The following PAH variants were observed in gnomAD, a reference collection of about 807,000 sequenced individuals.
PAH encodes phenylalanine-4-hydroxylase.
A neutral mutation model predicts 62.0 loss-of-function variants in PAH; 64 were observed. That is an observed-to-expected ratio of 1.03 (90% CI 0.84 to 1.27). The LOEUF (loss-of-function observed/expected upper bound fraction) is 1.27, where lower values mean the gene tolerates loss of function less well. Ranked by LOEUF, PAH falls within the 50% of genes most tolerant of loss-of-function variation. The pLI, the probability that PAH is intolerant of heterozygous loss-of-function variation, is 0.00. For synonymous variants in PAH, 195 were observed against 196.2 expected, an observed-to-expected ratio of 0.99 and a Z score of 0.05; for missense variants, 579 against 542.8, an observed-to-expected ratio of 1.07 and a Z score of -0.66.
chr12:102,849,329 G>A (rs1875041986), intron 8 of PAH, among the ~76,000 whole-genome samples: 1 of 152,186 alleles, frequency 6.6e-6, no homozygotes, highest in Non-Finnish European at 1.5e-5. Context: ...CCAGAACTCA[G>A]TTTTGGATAG....
intron 2 of PAH, among the ~76,000 whole-genome samples, chr12:102,896,509 G>T (rs541190641): frequency 9.2e-5 from 14 of 152,230 alleles, no homozygotes; most frequent in Non-Finnish European, 1.9e-4. Flanking sequence ...TAAGGGATAA[G>T]ATAGACCAAG....
intron 1 of PAH, among the ~76,000 whole-genome samples, chr12:102,936,968 C>T (rs1046311824): frequency 6.6e-6 from 1 of 152,108 alleles, no homozygotes; most frequent in African/African-American, 2.4e-5. Context: ...ATTATGGGGG[C>T]AGTTACCCTC....
intron 3 of PAH, among the ~76,000 whole-genome samples, chr12:102,890,100 G>T (rs1263765628): frequency 6.6e-6 from 1 of 152,104 alleles, no homozygotes; most frequent in Non-Finnish European, 1.5e-5. Context: ...AAGCTGTTTT[G>T]GGTGGGGAAC....
chr12:102,922,334 C>T (rs1216934359), intron 1 of PAH, among the ~76,000 whole-genome samples: 1 of 151,856 alleles, frequency 6.6e-6, no homozygotes, highest in Non-Finnish European at 1.5e-5. Flanking sequence ...GCTGGGTCTA[C>T]AGGTGCGCAC....
rs62506950 is a variant in PAH, at chr12:102,894,820, A to AG, written c.266dup (p.Ala90CysfsTer12). The AG allele has an allele frequency of 1.2e-6, 2 of 1,614,004 alleles. No individual in the cohort carries two copies. Among genetic ancestry groups the AG allele is most frequent in the African/African-American group, 1.3e-5 (1 of 75,024 alleles). ...AGATCTTGATGATGTTTGTCAGAGCAGGCAGGCTACGTTTATCCAAATGGG... is the reference window on the plus strand; with the variant it reads ...AGATCTTGATGATGTTTGTCAGAGCAGGGCAGGCTACGTTTATCCAAATGGG... On this transcript the variant is annotated frameshift_variant, in exon 3 of 13. Coordinates refer to ENST00000553106, the MANE Select transcript of PAH (RefSeq NM_000277.3). LOFTEE classifies it high-confidence loss of function.
intron 5 of PAH, 71 bp from the exon 6 acceptor site, chr12:102,855,403 G>A: frequency 4.0e-6 from 5 of 1,249,070 alleles, no homozygotes; most frequent in Non-Finnish European, 5.8e-6. Flanking sequence ...TAGGTTAGCA[G>A]AGGGAGTCGG....
upstream of PAH, among the ~76,000 whole-genome samples, chr12:102,954,167 A>G (rs1298575363): frequency 6.6e-6 from 1 of 152,258 alleles, no homozygotes; most frequent in Non-Finnish European, 1.5e-5. Context: ...TGGAGGCCAC[A>G]GAACATCTCT....
At chr12:102,900,050 T>C (rs1458268591) in intron 2 of PAH, among the ~76,000 whole-genome samples, 2 of 80,268 alleles carry the variant, frequency 2.5e-5, no homozygotes, top group Non-Finnish European at 5.1e-5. Flanking sequence ...CATTTATTGC[T>C]TTTTTTTTTT....
intron 9 of PAH, among the ~76,000 whole-genome samples, chr12:102,846,311 T>G (rs2136638875): frequency 6.6e-6 from 1 of 152,334 alleles, no homozygotes; most frequent in Admixed American, 6.5e-5. Flanking sequence ...AAATGTTTAT[T>G]TTTCAACTTC....
At chr12:102,862,883 T>G (rs563165743) in intron 5 of PAH, among the ~76,000 whole-genome samples, 6 of 152,250 alleles carry the variant, frequency 3.9e-5, no homozygotes, top group African/African-American at 1.2e-4. Flanking sequence ...GATAGCATTT[T>G]GCTTAAGTAT....
At chr12:102,904,101 G>A (rs1877876683) in intron 2 of PAH, among the ~76,000 whole-genome samples, 2 of 152,090 alleles carry the variant, frequency 1.3e-5, no homozygotes, top group Admixed American at 1.3e-4. Context: ...AAGGGTTTTG[G>A]TATACTCCTA....
chr12:102,843,967 T>C (rs1874714088), intron 10 of PAH, among the ~76,000 whole-genome samples, 188 bp from the exon 11 acceptor site: 1 of 152,164 alleles, frequency 6.6e-6, no homozygotes, highest in African/African-American at 2.4e-5. Flanking sequence ...ATCTAAAACC[T>C]ACAGCCAAGG....
At chr12:102,868,124 GTGTATATATATATATATATA>G (rs1565855014) in intron 4 of PAH, among the ~76,000 whole-genome samples, 86 of 3,712 alleles carry the variant, frequency 0.023, 11 homozygotes, top group South Asian at 0.1. Flanking sequence ...ATACATATAT[GTGTATATATATATATATATA>G]TATATATATA....
At chr12:102,920,943 A>C (rs1048822248), upstream of PAH, among the ~76,000 whole-genome samples, 1 of 152,168 alleles carries the variant, frequency 6.6e-6, no homozygotes, top group African/African-American at 2.4e-5. Context: ...CATCTAAGTC[A>C]TTGCTAATTT....
chr12:102,912,552 AG>A (rs1180910418), intron 2 of PAH, among the ~76,000 whole-genome samples: 1 of 152,182 alleles, frequency 6.6e-6, no homozygotes, highest in African/African-American at 2.4e-5. Context: ...TTCATCACAA[AG>A]TTCCTGTTGA....
chr12:102,866,277 T>C (rs1875958075), intron 5 of PAH, among the ~76,000 whole-genome samples: 1 of 152,178 alleles, frequency 6.6e-6, no homozygotes, highest in South Asian at 2.1e-4. Flanking sequence ...GAGGCTGTTT[T>C]ATTCAGGACC....
At chr12:102,923,758 C>G (rs1490236219) in intron 1 of PAH, among the ~76,000 whole-genome samples, 1 of 152,260 alleles carries the variant, frequency 6.6e-6, no homozygotes, top group African/African-American at 2.4e-5. Flanking sequence ...TTGTACCTGT[C>G]TTGGGGATTT....
At position 102,884,831 on chromosome 12, in the gene PAH, G is replaced by A. The variant is rs559609560; in HGVS notation, c.353-7281C>T. ...CCTCTAAAGTTACATTTTCTTGAGC[G>A]CTTATTATGCACCAGATACTGTGCT... On this transcript the variant is annotated intron_variant, in intron 3 of 12. Coordinates refer to ENST00000553106, the MANE Select transcript of PAH (RefSeq NM_000277.3). Among the ~76,000 whole-genome samples the A allele has an allele frequency of 1.8e-4, 28 of 152,250 alleles. No individual in the cohort carries two copies. The South Asian group carries it at 2.5e-3, about 14-fold the overall frequency.
chr12:102,862,373 A>T (rs1196923052), intron 5 of PAH, among the ~76,000 whole-genome samples: 1 of 152,144 alleles, frequency 6.6e-6, no homozygotes, highest in Non-Finnish European at 1.5e-5. Context: ...CATAGAGGGG[A>T]ACAACACACA....
Sources: gnomAD v4.1 joint callset for allele counts (sites outside exome capture counted in the v4.1 genomes callset) on GRCh38, gnomAD v4.1.1 for gene constraint, MANE v1.5 for transcripts, NCBI Gene and HGNC (gene_info 2026-07-23, HGNC 2026-07-21) for gene names.